Variants in WNK1 observed in about 807,000 individuals in gnomAD.
WNK1 encodes the protein WNK lysine deficient protein kinase 1.
Under a neutral mutation model 222.8 loss-of-function variants are expected in WNK1, and 38 were observed. The ratio of observed to expected loss-of-function variants is 0.17; its 90% CI spans 0.13 to 0.22. The LOEUF (loss-of-function observed/expected upper bound fraction) is 0.22, where lower values mean the gene tolerates loss of function less well. Among genes scored for constraint, WNK1 ranks in the 10% least tolerant of loss-of-function variants. WNK1 has a pLI of 1.00. For synonymous variants in WNK1, 1,090 were observed against 1,092.9 expected (o/e 1.00, Z 0.05); for missense variants, 2,348 against 2,918.4 (o/e 0.80, Z 4.50).
chr12:813,922 C>T (rs910553427), intron 2 of WNK1, 108 bp downstream of exon 2: 2 of 1,163,880 alleles, frequency 1.7e-6, no homozygotes, highest in African/African-American at 1.5e-5. Flanking sequence ...AAGAAGGGAA[C>T]AGTCCTTCCA....
At chr12:900,829 A>G in intron 26 of WNK1, 159 bp downstream of exon 26, 1 of 915,190 alleles carries the variant, frequency 1.1e-6, no homozygotes, top group East Asian at 2.5e-5. Flanking sequence ...TGGAGTGATA[A>G]TGAGAATCGG....
At chr12:902,055 T>C (rs1431586818) in intron 26 of WNK1, among the ~76,000 whole-genome samples, 1 of 151,696 alleles carries the variant, frequency 6.6e-6, no homozygotes, top group Non-Finnish European at 1.5e-5. Context: ...CCCAGCACTT[T>C]GGGAGGCCGA....
chr12:898,429 G>T (rs991022852), intron 25 of WNK1, among the ~76,000 whole-genome samples: 2 of 148,966 alleles, frequency 1.3e-5, no homozygotes, highest in African/African-American at 5.0e-5. Flanking sequence ...CTTGCAGTGA[G>T]CTGAGATTGC....
intron 1 of WNK1, among the ~76,000 whole-genome samples, chr12:786,271 C>T (rs1343831973): frequency 6.6e-6 from 1 of 152,080 alleles, no homozygotes; most frequent in Non-Finnish European, 1.5e-5. Flanking sequence ...GTTTGTATTT[C>T]TAACAGTTTT....
At chr12:765,251 TAAAG>T (rs1275599766) in intron 1 of WNK1, among the ~76,000 whole-genome samples, 1 of 147,966 alleles carries the variant, frequency 6.8e-6, no homozygotes, top group Non-Finnish European at 1.5e-5. Context: ...ATTGCACAGA[TAAAG>T]AACATTTTCA....
intron 1 of WNK1, among the ~76,000 whole-genome samples, chr12:791,574 A>C (rs892049799): frequency 2.0e-5 from 3 of 147,378 alleles, no homozygotes; most frequent in Non-Finnish European, 3.0e-5. Flanking sequence ...AAAAAAAAAA[A>C]CTACATTTCC....
At chr12:778,925 A>G (rs973414270) in intron 1 of WNK1, among the ~76,000 whole-genome samples, 1 of 152,210 alleles carries the variant, frequency 6.6e-6, no homozygotes, top group African/African-American at 2.4e-5. Flanking sequence ...TTCAAATTCC[A>G]TACCTGGGAA....
intron 4 of WNK1, among the ~76,000 whole-genome samples, chr12:845,899 C>G (rs568714580): frequency 3.3e-5 from 5 of 152,226 alleles, no homozygotes; most frequent in Admixed American, 1.3e-4. Flanking sequence ...GATCACCTTG[C>G]AAAGTGCTTT....
intron 2 of WNK1, among the ~76,000 whole-genome samples, chr12:814,813 A>G (rs1947209207): frequency 6.6e-6 from 1 of 152,128 alleles, no homozygotes; most frequent in South Asian, 2.1e-4. Context: ...TTCTATTATT[A>G]TTACATTAAA....
chr12:828,235 G>T (rs1948518840), intron 3 of WNK1, among the ~76,000 whole-genome samples: 1 of 152,030 alleles, frequency 6.6e-6, no homozygotes, highest in Non-Finnish European at 1.5e-5. Flanking sequence ...GAACCCGGGA[G>T]GTGGAGGTTG....
chr12:887,351 A>G (rs377119668), intron 20 of WNK1, 47 bp downstream of exon 20: 2 of 1,597,372 alleles, frequency 1.3e-6, no homozygotes, highest in Non-Finnish European at 1.7e-6. Context: ...ACTTTCTTTG[A>G]CAAAGCTTGC....
In WNK1 at chr12:833,094, C is replaced by T. The variant is rs533081809; in HGVS notation, c.1311+2934C>T. Among the ~76,000 whole-genome samples the T allele has an allele frequency of 9.9e-5, 15 of 150,930 alleles. No homozygotes were observed. In the South Asian group the frequency reaches 3.1e-3, roughly 31 times the overall value. ...TTATTTTGTTTAAAATTGTAGAAAA[C>T]TTAAGAGGTATATTTGATTTCTTGT... is the stretch of plus-strand genomic sequence containing the variant. On this transcript the variant is annotated intron_variant, in intron 4 of 27. Coordinates refer to ENST00000315939, the MANE Select transcript of WNK1 (RefSeq NM_018979.4).
At chr12:906,466 G>C (rs1412370474) in intron 26 of WNK1, 1 of 985,090 alleles carries the variant, frequency 1.0e-6, no homozygotes, top group Non-Finnish European at 1.2e-6. Context: ...GCTTCTACAT[G>C]GGAGTGCTTG....
At chr12:892,035 CTTT>C (rs34947524) in intron 22 of WNK1, among the ~76,000 whole-genome samples, 2 of 135,948 alleles carry the variant, frequency 1.5e-5, no homozygotes, top group Admixed American at 7.3e-5. Context: ...TTATAACTAA[CTTT>C]TTTTTTTTTT....
intron 27 of WNK1, 122 bp from the exon 28 acceptor site, chr12:908,353 A>G: frequency 1.8e-6 from 2 of 1,095,018 alleles, no homozygotes; most frequent in Admixed American, 1.9e-5. Flanking sequence ...TAAAGAGCCA[A>G]TAAATACTAC....
chr12:879,467 T>TTCTTTTTTTTTGGC, intron 10 of WNK1, 106 bp from the exon 11 acceptor site: 1 of 736,062 alleles, frequency 1.4e-6, no homozygotes, highest in Non-Finnish European at 2.1e-6. Flanking sequence ...TGTTTGTTTT[T>TTCTTTTTTTTTGGC]TCCTTCTTTT....
chr12:823,245 G>T (rs1306963126), intron 2 of WNK1, among the ~76,000 whole-genome samples: 1 of 152,118 alleles, frequency 6.6e-6, no homozygotes, highest in Non-Finnish European at 1.5e-5. Flanking sequence ...TTTGAATATA[G>T]TGTTTCTCAT....
intron 22 of WNK1, among the ~76,000 whole-genome samples, chr12:891,602 C>CTT (rs71441624): frequency 4.1e-4 from 52 of 126,016 alleles, no homozygotes; most frequent in Middle Eastern, 4.3e-3. Flanking sequence ...GATTTTTTTT[C>CTT]TTTTTTTTTT....
chr12:879,742 C>T lies in WNK1; in HGVS notation c.2543C>T (p.Thr848Ile), dbSNP rs1952977996. 6.2e-7 allele frequency: 1 copy of T among 1,614,070 alleles called. No homozygotes were observed. The highest frequency in any genetic ancestry group is 2.2e-5 in the East Asian group (1 of 44,872). Reference sequence around the variant, plus strand: ...CCTGTCTCTCAGATTCCCATATCAACTCCTCATGTGTCTACGGCTCAGACA... The same window carrying T: ...CCTGTCTCTCAGATTCCCATATCAATTCCTCATGTGTCTACGGCTCAGACA... ...QYPVSQIPIS[T>I]PHVSTAQTGF... is the part of the protein sequence containing the mutation. The change falls in exon 11 of 28, where the codon ACT becomes ATT. Residue 848 changes from threonine to isoleucine, a missense_variant. Transcript: ENST00000315939.
Sources: allele counts gnomAD v4.1 joint callset (sites outside exome capture counted in the v4.1 genomes callset), GRCh38; gene constraint gnomAD v4.1.1; transcripts MANE v1.5; gene names NCBI Gene and HGNC (gene_info 2026-07-23, HGNC 2026-07-21).